The following GRM5 variants were observed in gnomAD, a reference collection of about 807,000 sequenced individuals.
GRM5 encodes glutamate metabotropic receptor 5.
Under a neutral mutation model 83.1 loss-of-function variants are expected in GRM5, and 19 were observed. That is an observed-to-expected ratio of 0.23 (90% CI 0.16 to 0.34). The LOEUF is 0.34. Ranked by LOEUF, GRM5 falls within the 10% of genes least tolerant of loss-of-function variation. The pLI is 1.00. For missense variants in GRM5, 1,160 were observed against 1,588.3 expected (o/e 0.73, Z 4.58); for synonymous variants, 675 against 633.6 (o/e 1.07, Z -0.98).
At chr11:88,883,278 T>C (rs1944991452) in intron 2 of GRM5, among the ~76,000 whole-genome samples, 1 of 152,180 alleles carries the variant, frequency 6.6e-6, no homozygotes, top group Non-Finnish European at 1.5e-5. Flanking sequence ...TCCTAAAGAC[T>C]TGTTGAATGG....
At chr11:88,576,086 C>T (rs1211055368) in intron 7 of GRM5, among the ~76,000 whole-genome samples, 1 of 152,162 alleles carries the variant, frequency 6.6e-6, no homozygotes, top group Admixed American at 6.6e-5. Flanking sequence ...TCCGGTCATA[C>T]TGCACATGGA....
intron 2 of GRM5, among the ~76,000 whole-genome samples, chr11:89,029,232 C>A (rs1394357717): frequency 2.0e-5 from 3 of 152,092 alleles, no homozygotes; most frequent in Non-Finnish European, 2.9e-5. Flanking sequence ...CACAAATAAG[C>A]TTAACATGTT....
chr11:88,901,001 G>A (rs536542545), intron 2 of GRM5, among the ~76,000 whole-genome samples: 1 of 152,114 alleles, frequency 6.6e-6, no homozygotes, highest in Non-Finnish European at 1.5e-5. Flanking sequence ...GGTAAAGCAG[G>A]TCCATGATTT....
intron 1 of GRM5, among the ~76,000 whole-genome samples, chr11:89,062,606 C>T (rs1313639396): frequency 2.0e-5 from 3 of 152,330 alleles, no homozygotes; most frequent in East Asian, 1.9e-4. Flanking sequence ...TGTTAACAGT[C>T]CAGCTAAGGC....
At chr11:88,540,802 G>A (rs67648145) in intron 8 of GRM5, among the ~76,000 whole-genome samples, 62,853 of 151,744 alleles carry the variant, frequency 0.41, 15,187 homozygotes, top group East Asian at 0.7. Flanking sequence ...GTGCAGTGGC[G>A]TGATCGTGAT....
intron 7 of GRM5, among the ~76,000 whole-genome samples, chr11:88,582,963 A>G (rs1273736709): frequency 2.0e-5 from 3 of 152,180 alleles, no homozygotes; most frequent in Non-Finnish European, 4.4e-5. Context: ...GTCCATGTAT[A>G]GAATGTTCCT....
chr11:88,838,182 G>T lies in GRM5; in HGVS notation c.911+11724C>A, dbSNP rs1944129045. Among the ~76,000 whole-genome samples the T allele has an allele frequency of 2.0e-5, 3 of 150,850 alleles. No homozygotes were observed. In the South Asian group the frequency reaches 6.4e-4, roughly 32 times the overall value. On this transcript the variant is annotated intron_variant, in intron 3 of 9. Coordinates refer to ENST00000305447, the MANE Select transcript of GRM5 (RefSeq NM_001143831.3). ...GGTTAATATTACTCACTTCAGAAGG[G>T]ACTTGTGAGAAATAAAAGAAATATC...
intron 6 of GRM5, among the ~76,000 whole-genome samples, chr11:88,594,032 A>T (rs1937728219): frequency 6.6e-6 from 1 of 151,982 alleles, no homozygotes; most frequent in Non-Finnish European, 1.5e-5. Context: ...TGACCTTGTG[A>T]TCCGCCCGCC....
intron 2 of GRM5, among the ~76,000 whole-genome samples, chr11:88,885,861 T>G (rs1426992905): frequency 6.6e-6 from 1 of 152,030 alleles, no homozygotes; most frequent in African/African-American, 2.4e-5. Context: ...CTTGCACAGG[T>G]GAATGTTGGC....
At chr11:88,769,617 T>C (rs1251018507) in intron 3 of GRM5, among the ~76,000 whole-genome samples, 2 of 151,888 alleles carry the variant, frequency 1.3e-5, no homozygotes, top group Non-Finnish European at 2.9e-5. Context: ...ACAAAATACA[T>C]TGATGGCAGT....
At chr11:88,883,691 C>T (rs939440927) in intron 2 of GRM5, among the ~76,000 whole-genome samples, 2 of 152,166 alleles carry the variant, frequency 1.3e-5, no homozygotes, top group South Asian at 2.1e-4. Flanking sequence ...TCATGGCAGT[C>T]CCTCCCATCA....
At chr11:88,601,182 C>G (rs1369983652) in intron 5 of GRM5, among the ~76,000 whole-genome samples, 1 of 152,176 alleles carries the variant, frequency 6.6e-6, no homozygotes, top group Non-Finnish European at 1.5e-5. Context: ...CTCTTTCTTT[C>G]TATGACACAG....
intron 2 of GRM5, among the ~76,000 whole-genome samples, chr11:89,037,714 T>C (rs1242528122): frequency 1.3e-5 from 2 of 152,134 alleles, no homozygotes; most frequent in African/African-American, 4.8e-5. Flanking sequence ...TTGAAATTTT[T>C]GCTCGTTTTA....
intron 3 of GRM5, 83 bp from the exon 4 acceptor site, chr11:88,653,486 T>G: frequency 1.1e-6 from 1 of 883,332 alleles, no homozygotes; most frequent in South Asian, 1.5e-5. Context: ...TTGACAAGAT[T>G]AGTCATTAAA....
intron 2 of GRM5, among the ~76,000 whole-genome samples, chr11:88,914,521 G>T (rs759198846): frequency 6.6e-6 from 1 of 152,122 alleles, no homozygotes; most frequent in African/African-American, 2.4e-5. Flanking sequence ...TCCAGGAGAG[G>T]CAGCAAGAAC....
intron 3 of GRM5, among the ~76,000 whole-genome samples, chr11:88,662,204 T>G (rs1591421793): frequency 6.6e-6 from 1 of 152,288 alleles, no homozygotes; most frequent in South Asian, 2.1e-4. Flanking sequence ...GAGGATTAAC[T>G]AGCCTTATAA....
Position 88,799,762 on chromosome 11 carries a change from A to G in GRM5, c.911+50144T>C, listed in dbSNP as rs1186680373. On this transcript the variant is annotated intron_variant, in intron 3 of 9. Transcript: ENST00000305447. ...GTCACAGCAGTTCTACGATAATAAA[A>G]GTCAGAAGATTTCTCCTTTTTCTTA... Among the ~76,000 whole-genome samples the G allele has an allele frequency of 2.6e-5, 4 of 152,184 alleles. No homozygotes were observed. The South Asian group carries it at 8.3e-4, about 32-fold the overall frequency.
intron 3 of GRM5, among the ~76,000 whole-genome samples, chr11:88,747,512 T>G (rs1200772503): frequency 6.6e-6 from 1 of 152,100 alleles, no homozygotes; most frequent in Non-Finnish European, 1.5e-5. Flanking sequence ...TTAAAAAGCC[T>G]CTCTAGATGA....
intron 3 of GRM5, among the ~76,000 whole-genome samples, chr11:88,685,531 C>T (rs950032653): frequency 2.0e-5 from 3 of 152,168 alleles, no homozygotes; most frequent in Non-Finnish European, 4.4e-5. Context: ...AAATGTTAAT[C>T]CCCAAGACAA....
Sources: allele counts gnomAD v4.1 joint callset (sites outside exome capture counted in the v4.1 genomes callset), GRCh38; gene constraint gnomAD v4.1.1; transcripts MANE v1.5; gene names NCBI Gene and HGNC (gene_info 2026-07-23, HGNC 2026-07-21).